Variants in GDPGP1 observed in about 807,000 individuals in gnomAD.
GDPGP1 encodes the protein GDP-D-glucose phosphorylase C15orf58.
GDPGP1 carries 18 observed loss-of-function variants against 19.2 expected under a neutral mutation model. That is an observed-to-expected ratio of 0.94 (90% CI 0.65 to 1.39). The LOEUF is 1.39. GDPGP1 is among the 40% of genes most tolerant of loss of function. The probability of loss-of-function intolerance (pLI) is 0.00; values close to 1 mark genes in which losing one functional copy is unlikely to be tolerated. For missense variants in GDPGP1, 449 were observed against 490.5 expected (o/e 0.92, Z 0.80); for synonymous variants, 219 against 208.9 (o/e 1.05, Z -0.42).
intron 2 of GDPGP1, among the ~76,000 whole-genome samples, chr15:90,238,067 A>G (rs1257198529): frequency 2.6e-5 from 4 of 152,200 alleles, no homozygotes; most frequent in African/African-American, 9.6e-5. Flanking sequence ...TGGGAGGCCA[A>G]CGCAGGTGGA....
At position 90,241,928 on chromosome 15, in the gene GDPGP1, T is replaced by C; in HGVS notation, c.1020T>C (p.Pro340=). The C allele has an allele frequency of 6.2e-7, 1 of 1,614,126 alleles. No individual in the cohort carries two copies. The highest frequency in any genetic ancestry group is 1.6e-4 in the Middle Eastern group (1 of 6,062). Residue 340 remains proline, a synonymous_variant, in exon 4 of 4, where the codon CCT becomes CCC. Coordinates refer to ENST00000329600, the MANE Select transcript of GDPGP1 (RefSeq NM_001013657.3). ...VALCELAGHL[P]VKTSQDFSSL... Reference sequence around the variant, plus strand: ...TCTGTGAGCTGGCTGGGCACCTCCCTGTCAAAACATCCCAGGACTTCAGCA... The same window carrying C: ...TCTGTGAGCTGGCTGGGCACCTCCCCGTCAAAACATCCCAGGACTTCAGCA...
In GDPGP1 at chr15:90,239,601, C is replaced by T. The variant is rs549133356; in HGVS notation, c.-10+1053C>T. ...ATCACGAGAACAGCATGGAGGTGAC[C>T]GCCCCCATGATTCATTTACTTTCCA... is the stretch of plus-strand genomic sequence containing the variant. On this transcript the variant is annotated intron_variant, in intron 3 of 3. Coordinates refer to ENST00000329600, the MANE Select transcript of GDPGP1 (RefSeq NM_001013657.3). Among the ~76,000 whole-genome samples the T allele has an allele frequency of 5.9e-5, 9 of 152,114 alleles. No individual in the cohort carries two copies. In the South Asian group the frequency reaches 8.3e-4, roughly 14 times the overall value.
rs371699554 is a variant in GDPGP1 at position 90,241,431 on chromosome 15, C to A, written c.523C>A (p.Arg175Ser). The A allele has an allele frequency of 8.7e-6, 14 of 1,613,448 alleles. No individual in the cohort carries two copies. Among genetic ancestry groups the A allele is most frequent in the East Asian group, 4.5e-5 (2 of 44,900 alleles). ...GHVLLVPEPA[R>S]QLPQRLLPGA... ...CGTGCTGCTGGTGCCTGAGCCTGCC[C>A]GCCAGCTCCCCCAGCGCCTGCTGCC... The change falls in exon 4 of 4, where the codon CGC becomes AGC. Residue 175 changes from arginine (R) to serine (S), a missense_variant. By Grantham distance (110) the Arg-to-Ser change is moderately radical. Transcript: ENST00000329600.
In GDPGP1 at chr15:90,241,721, C is replaced by G. The variant is rs148271561; in HGVS notation, c.813C>G (p.Ser271Arg). Reference protein sequence around the residue: ...GPGPDLESLISRVCRATDYLT... With the variant: ...GPGPDLESLIRRVCRATDYLT... ...GGCCTGACTTGGAGTCCTTGATAAG[C>G]AGGGTATGTCGGGCCACTGATTATC... The change falls in exon 4 of 4, where the codon AGC (serine) becomes AGG (arginine). Residue 271 changes from serine to arginine, a missense_variant. Transcript: ENST00000329600. 556 of 1,614,232 alleles carry G rather than the reference C, an allele frequency of 3.4e-4. 1 individual carries two copies. The highest frequency in any genetic ancestry group is 9.1e-4 in the South Asian group (83 of 91,082).
chr15:90,238,114 A>C (rs1474596086), intron 2 of GDPGP1, among the ~76,000 whole-genome samples: 1 of 152,156 alleles, frequency 6.6e-6, no homozygotes, highest in Non-Finnish European at 1.5e-5. Context: ...AGCCTGGCCA[A>C]CATGGTGAAA....
chr15:90,235,438 TG>T (rs1962612823), intron 2 of GDPGP1, among the ~76,000 whole-genome samples: 1 of 152,028 alleles, frequency 6.6e-6, no homozygotes, highest in Non-Finnish European at 1.5e-5. Flanking sequence ...TGGTTAAACC[TG>T]GGAGCTGGAG....
intron 2 of GDPGP1, among the ~76,000 whole-genome samples, chr15:90,235,293 C>G (rs528709068): frequency 1.6e-4 from 24 of 152,140 alleles, no homozygotes; most frequent in African/African-American, 5.8e-4. Context: ...AGGCCAGGCG[C>G]GGTGGCTCAT....
At chr15:90,238,572 A>T (rs1350266955) in intron 3 of GDPGP1, 24 bp downstream of exon 3, 1 of 152,212 alleles carries the variant, frequency 6.6e-6, no homozygotes. Flanking sequence ...TTGACATCCT[A>T]TCTGGGCCAG....
At chr15:90,239,797 T>C (rs1697545992) in intron 3 of GDPGP1, among the ~76,000 whole-genome samples, 1 of 152,208 alleles carries the variant, frequency 6.6e-6, no homozygotes, top group Non-Finnish European at 1.5e-5. Context: ...TGGTGGCACA[T>C]GCCTGTAGTT....
chr15:90,234,963 C>A (rs1962601264), intron 2 of GDPGP1, among the ~76,000 whole-genome samples: 1 of 152,170 alleles, frequency 6.6e-6, no homozygotes, highest in African/African-American at 2.4e-5. Context: ...AATTCTTGAT[C>A]CTTCCAATCC....
Position 90,242,431 on chromosome 15 carries a change from CTTTTTTTTTTTTTTTTTTTTT to C in GDPGP1, c.*376_*396del, listed in dbSNP as rs71151576. 1.5e-5 allele frequency: 1 copy of C among 65,510 alleles called. No individual in the cohort carries two copies. Among genetic ancestry groups the C allele is most frequent in the African/African-American group, 5.8e-5 (1 of 17,340 alleles). The allele number at this position is 65,510 out of a possible 1,614,324, so 4.1% of individuals were successfully genotyped here. A position where few individuals can be genotyped will look rare whatever the true frequency, so the allele number is the denominator to read the frequency against. ...TGAGCCCCTGGATTCTTTTCTGTTT[CTTTTTTTTTTTTTTTTTTTTT>C]TTTTTTTTTTGAGATAGTCTCGCTC... On this transcript the variant is annotated 3_prime_UTR_variant, in exon 4 of 4. Transcript: ENST00000329600.
chr15:90,241,204 A>T lies in GDPGP1; in HGVS notation c.296A>T (p.Asn99Ile), dbSNP rs1962748044. The part of the protein sequence containing the change: ...PGAVGFVAQL[N>I]VERGVQRRPP... Reference sequence around the variant, plus strand: ...GCTGTGGGTTTCGTGGCTCAGCTGAATGTGGAGCGTGGTGTGCAGAGGAGG... The same window carrying T: ...GCTGTGGGTTTCGTGGCTCAGCTGATTGTGGAGCGTGGTGTGCAGAGGAGG... The change falls in exon 4 of 4, where the codon AAT becomes ATT. Residue 99 changes from asparagine (N) to isoleucine (I), a missense_variant. Asn to Ile is a moderately radical substitution (Grantham distance 149). Coordinates refer to ENST00000329600, the MANE Select transcript of GDPGP1 (RefSeq NM_001013657.3). 11 of 1,614,176 alleles carry T rather than the reference A, an allele frequency of 6.8e-6. No homozygotes were observed. The highest frequency in any genetic ancestry group is 8.5e-6 in the Non-Finnish European group (10 of 1,180,034).
At chr15:90,235,843 C>G (rs6496647) in intron 2 of GDPGP1, among the ~76,000 whole-genome samples, 32,366 of 152,000 alleles carry the variant, frequency 0.21, 4,038 homozygotes, top group South Asian at 0.35. Context: ...GCTGGGATTA[C>G]AGGCGTGACC....
chr15:90,238,926 C>T (rs978594957), intron 3 of GDPGP1, among the ~76,000 whole-genome samples: 2 of 150,674 alleles, frequency 1.3e-5, no homozygotes. Context: ...CTGTCTCTAC[C>T]AAAAACAAAA....
rs570653117 is a variant in GDPGP1, at chr15:90,241,931, C to G, written c.1023C>G (p.Val341=). 19 of 1,614,142 alleles carry G rather than the reference C, an allele frequency of 1.2e-5. No homozygotes were observed. The African/African-American group carries it at 2.5e-4, about 22-fold the overall frequency. ...GTGAGCTGGCTGGGCACCTCCCTGT[C>G]AAAACATCCCAGGACTTCAGCAGCC... ...ALCELAGHLP[V]KTSQDFSSLT... Residue 341 remains valine, a synonymous_variant, in exon 4 of 4, where the codon GTC becomes GTG. Transcript: ENST00000329600.
At chr15:90,235,369 C>T (rs1451166189) in intron 2 of GDPGP1, among the ~76,000 whole-genome samples, 2 of 152,142 alleles carry the variant, frequency 1.3e-5, no homozygotes, top group African/African-American at 4.8e-5. Context: ...AGTTCAAGAC[C>T]AGCATGGCCA....
rs1172063445 is a variant in GDPGP1 at position 90,241,757 on chromosome 15, T to A, written c.849T>A (p.His283Gln). The part of the protein sequence containing the change: ...VCRATDYLTD[H>Q]EIAHNLFVTR... The stretch of plus-strand genomic sequence containing the variant: ...GGGCCACTGATTATCTGACTGACCA[T>A]GAGATTGCTCATAACTTGTTTGTCA... Residue 283 changes from histidine to glutamine, a missense_variant, in exon 4 of 4, where the codon CAT (histidine) becomes CAA (glutamine). Coordinates refer to ENST00000329600, the MANE Select transcript of GDPGP1 (RefSeq NM_001013657.3). 9 of 1,614,030 alleles carry A rather than the reference T, an allele frequency of 5.6e-6. No individual in the cohort carries two copies. Among genetic ancestry groups the A allele is most frequent in the Non-Finnish European group, 7.6e-6 (9 of 1,179,856 alleles).
rs970084969 is a variant in GDPGP1 at position 90,244,879 on chromosome 15, A to G, written c.*2813A>G. On this transcript the variant is annotated 3_prime_UTR_variant, in exon 4 of 4. Transcript: ENST00000329600. ...CTCAACAGAGATTATCACCGCCACC[A>G]CTCCTTCATCAAACATCCTGAAGGA... 17 of 151,860 alleles carry G rather than the reference A, an allele frequency of 1.1e-4. No homozygotes were observed. Among genetic ancestry groups the G allele is most frequent in the African/African-American group, 3.6e-4 (15 of 41,308 alleles). The allele number at this position is 151,860 out of a possible 1,614,324, so 9.4% of individuals were successfully genotyped here. A position where few individuals can be genotyped will look rare whatever the true frequency, so the allele number is the denominator to read the frequency against.
chr15:90,241,824 C>T lies in GDPGP1; in HGVS notation c.916C>T (p.Leu306Phe), dbSNP rs1411110400. 2.5e-6 allele frequency: 4 copies of T among 1,614,118 alleles called. No homozygotes were observed. Among genetic ancestry groups the T allele is most frequent in the Non-Finnish European group, 3.4e-6 (4 of 1,180,054 alleles). Residue 306 changes from leucine to phenylalanine, a missense_variant, in exon 4 of 4, where the codon CTC (leucine) becomes TTC (phenylalanine). Transcript: ENST00000329600. ...PPGKTSPSSA[L>F]TGVRVILWAR... Reference sequence around the variant, plus strand: ...GGGAAAGACATCACCTTCCTCAGCCCTCACAGGGGTCCGAGTAATTCTGTG... The same window carrying T: ...GGGAAAGACATCACCTTCCTCAGCCTTCACAGGGGTCCGAGTAATTCTGTG...
Sources: gnomAD v4.1 joint callset for allele counts (sites outside exome capture counted in the v4.1 genomes callset) on GRCh38, gnomAD v4.1.1 for gene constraint, MANE v1.5 for transcripts, NCBI Gene and HGNC (gene_info 2026-07-23, HGNC 2026-07-21) for gene names.